Variants in FNDC1 observed in about 807,000 individuals in gnomAD.
The protein encoded by FNDC1 is fibronectin type III domain containing 1.
Under a neutral mutation model 168.0 loss-of-function variants are expected in FNDC1, and 96 were observed. That is an observed-to-expected ratio of 0.57 (90% CI 0.48 to 0.68). FNDC1 has a LOEUF of 0.68. Ranked by LOEUF, FNDC1 falls within the 30% of genes least tolerant of loss-of-function variation. The probability of loss-of-function intolerance (pLI) is 0.00; values close to 1 mark genes in which losing one functional copy is unlikely to be tolerated. For missense variants in FNDC1, 2,587 were observed against 2,482.1 expected (o/e 1.04, Z -0.90); for synonymous variants, 1,099 against 1,025.9 (o/e 1.07, Z -1.36).
intron 1 of FNDC1, among the ~76,000 whole-genome samples, chr6:159,192,123 C>A (rs1228507296): frequency 6.6e-6 from 1 of 152,168 alleles, no homozygotes; most frequent in Non-Finnish European, 1.5e-5. Flanking sequence ...GGTGATCCAC[C>A]TGCTTCAGCC....
chr6:159,245,032 G>A (rs1366539867), intron 14 of FNDC1, among the ~76,000 whole-genome samples: 1 of 152,228 alleles, frequency 6.6e-6, no homozygotes, highest in Non-Finnish European at 1.5e-5. Flanking sequence ...ATGGTGGCAG[G>A]CAAGAGAGAG....
chr6:159,219,611 T>A (rs1782781371), intron 5 of FNDC1, among the ~76,000 whole-genome samples: 1 of 152,148 alleles, frequency 6.6e-6, no homozygotes, highest in Non-Finnish European at 1.5e-5. Context: ...GATGCGCGCG[T>A]GAGAAGCTTA....
intron 13 of FNDC1, among the ~76,000 whole-genome samples, chr6:159,238,880 G>A (rs1783330197): frequency 6.6e-6 from 1 of 152,262 alleles, no homozygotes; most frequent in East Asian, 1.9e-4. Flanking sequence ...AGAAAATGTG[G>A]CCCTTTACTT....
intron 5 of FNDC1, among the ~76,000 whole-genome samples, chr6:159,216,432 G>A (rs948672953): frequency 5.3e-5 from 8 of 152,222 alleles, no homozygotes; most frequent in Non-Finnish European, 7.3e-5. Flanking sequence ...CTGGCCTGGA[G>A]GGAGTTCTGA....
chr6:159,239,906 G>A lies in FNDC1; in HGVS notation c.4570G>A (p.Gly1524Ser). 6.6e-7 allele frequency: 1 copy of A among 1,524,972 alleles called. No homozygotes were observed. The highest frequency in any genetic ancestry group is 2.1e-5 in the Admixed American group (1 of 48,404). 94.5% of individuals were successfully genotyped at this position (1,524,972 alleles called of 1,614,324 possible). The change falls in exon 14 of 23, where the codon GGC becomes AGC. Residue 1524 changes from glycine to serine, a missense_variant. Physicochemically the swap from Gly to Ser is moderately conservative, Grantham distance 56. Transcript: ENST00000297267. ...GACCTTGGAACGGCACGACGATGATGGCAACCTGATAATGAGCTCCAATGG... is the reference window on the plus strand; with the variant it reads ...GACCTTGGAACGGCACGACGATGATAGCAACCTGATAATGAGCTCCAATGG... ...PGTLERHDDD[G>S]NLIMSSNGIP...
At chr6:159,172,885 T>A (rs1781689105) in intron 1 of FNDC1, among the ~76,000 whole-genome samples, 1 of 152,200 alleles carries the variant, frequency 6.6e-6, no homozygotes, top group Non-Finnish European at 1.5e-5. Flanking sequence ...TGCAATAGAT[T>A]GAATGCATAA....
intron 1 of FNDC1, among the ~76,000 whole-genome samples, chr6:159,170,538 G>A (rs547648724): frequency 6.6e-6 from 1 of 152,282 alleles, no homozygotes; most frequent in South Asian, 2.1e-4. Context: ...CACCTCCTTT[G>A]CAGGCATTTT....
At chr6:159,238,500 A>C in intron 12 of FNDC1, 54 bp from the exon 13 acceptor site, 1 of 1,251,640 alleles carries the variant, frequency 8.0e-7, no homozygotes, top group Non-Finnish European at 1.1e-6. Flanking sequence ...AATTGGACTA[A>C]TGTGATCATT....
chr6:159,210,325 T>C (rs979076218), intron 4 of FNDC1, among the ~76,000 whole-genome samples: 2 of 152,174 alleles, frequency 1.3e-5, no homozygotes, highest in African/African-American at 4.8e-5. Context: ...GGGTGCGAAT[T>C]CTGGCTTCGG....
intron 4 of FNDC1, among the ~76,000 whole-genome samples, chr6:159,211,034 A>G (rs893505925): frequency 2.0e-5 from 3 of 152,154 alleles, no homozygotes; most frequent in African/African-American, 7.2e-5. Context: ...GCTCCGGCCT[A>G]AATGGCTGGA....
At chr6:159,195,410 G>A (rs894800317) in intron 1 of FNDC1, among the ~76,000 whole-genome samples, 3 of 151,908 alleles carry the variant, frequency 2.0e-5, no homozygotes, top group South Asian at 4.2e-4. Context: ...GGGGAAGGTG[G>A]GGTGGAGGGT....
intron 1 of FNDC1, among the ~76,000 whole-genome samples, chr6:159,183,519 C>T (rs369760365): frequency 9.9e-5 from 15 of 152,194 alleles, no homozygotes; most frequent in African/African-American, 3.6e-4. Context: ...AGGAGCCTTC[C>T]ACATATGGAT....
chr6:159,202,964 G>A (rs1381146953), intron 4 of FNDC1, among the ~76,000 whole-genome samples: 5 of 152,174 alleles, frequency 3.3e-5, no homozygotes, highest in Non-Finnish European at 4.4e-5. Context: ...CCAAAGTCCC[G>A]ATGTTGGCAG....
intron 4 of FNDC1, among the ~76,000 whole-genome samples, chr6:159,210,140 C>T (rs1396875920): frequency 2.0e-5 from 3 of 152,202 alleles, no homozygotes; most frequent in Non-Finnish European, 2.9e-5. Flanking sequence ...CGTCCTGGTG[C>T]TGCCCACCAC....
chr6:159,269,486 CTATCTATCTATCT>C (rs1562316027), intron 22 of FNDC1, among the ~76,000 whole-genome samples: 166 of 142,644 alleles, frequency 1.2e-3, no homozygotes, highest in African/African-American at 4.3e-3. Context: ...ATCTATCTAT[CTATCTATCTATCT>C]ATCCATCCAT....
At position 159,239,613 on chromosome 6, in the gene FNDC1, T is replaced by C. The variant is rs766244941; in HGVS notation, c.4277T>C (p.Ile1426Thr). The C allele has an allele frequency of 1.9e-6, 3 of 1,574,256 alleles. No individual in the cohort carries two copies. Residue 1426 changes from isoleucine (I) to threonine (T), a missense_variant, in exon 14 of 23, where the codon ATT (isoleucine) becomes ACT (threonine). Physicochemically the swap from Ile to Thr is moderately conservative, Grantham distance 89. Coordinates refer to ENST00000297267, the MANE Select transcript of FNDC1 (RefSeq NM_032532.3). ...TPLANAQDKP[I>T]LSLGGKPLVG... ...CTGGCCAATGCCCAAGATAAGCCAA[T>C]TTTGAGTCTTGGAGGAAAGCCGCTG... is the stretch of plus-strand genomic sequence containing the variant.
intron 1 of FNDC1, among the ~76,000 whole-genome samples, chr6:159,180,223 C>T (rs1432345768): frequency 6.6e-6 from 1 of 152,146 alleles, no homozygotes; most frequent in Non-Finnish European, 1.5e-5. Flanking sequence ...CTTTTAGACA[C>T]ATCAGTCCAA....
Position 159,200,006 on chromosome 6 carries a change from A to G in FNDC1, c.315A>G (p.Val105=), listed in dbSNP as rs764811226. The G allele has an allele frequency of 3.1e-6, 5 of 1,604,800 alleles. No individual in the cohort carries two copies. The African/African-American group carries it at 4.0e-5, about 13-fold the overall frequency. The change falls in exon 3 of 23, where the codon GTA becomes GTG. Residue 105 remains valine, a synonymous_variant. Transcript: ENST00000297267. Reference sequence around the variant, plus strand: ...AACCGTATGTTTCAGAGCCGGGGGTAGTGTACTTTGTGCTGCTTACTGCAG... The same window carrying G: ...AACCGTATGTTTCAGAGCCGGGGGTGGTGTACTTTGTGCTGCTTACTGCAG... ...SFLIEDVEPG[V]VYFVLLTAEN...
In FNDC1 at chr6:159,233,121, A is replaced by T; in HGVS notation, c.2609A>T (p.Lys870Met). The T allele has an allele frequency of 6.2e-7, 1 of 1,603,846 alleles. No homozygotes were observed. The highest frequency in any genetic ancestry group is 8.5e-7 in the Non-Finnish European group (1 of 1,175,466). ...RVPSHSDSHP[K>M]LSSGIHGDEE... The stretch of plus-strand genomic sequence containing the variant: ...CCCTCTCACTCTGATTCCCACCCTA[A>T]GCTTAGCTCAGGTATCCATGGAGAC... Residue 870 changes from lysine to methionine, a missense_variant, in exon 11 of 23, where the codon AAG becomes ATG. Lys to Met is a moderately conservative substitution (Grantham distance 95). Coordinates refer to ENST00000297267, the MANE Select transcript of FNDC1 (RefSeq NM_032532.3). This position sits in a 1 kb window ranked among gnomAD's most constrained non-coding sequence, Gnocchi z 4.6.
Sources: gnomAD v4.1 joint callset for allele counts (sites outside exome capture counted in the v4.1 genomes callset) on GRCh38, gnomAD v4.1.1 for gene constraint, Gnocchi (gnomAD v3.1) non-coding constraint, MANE v1.5 for transcripts, NCBI Gene and HGNC (gene_info 2026-07-23, HGNC 2026-07-21) for gene names.